IVD: variants seen among roughly 807,000 people sequenced by gnomAD.
The protein encoded by IVD is isovaleryl-CoA dehydrogenase, mitochondrial.
IVD carries 31 observed loss-of-function variants against 51.3 expected under a neutral mutation model. That is an observed-to-expected ratio of 0.60 (90% CI 0.45 to 0.81). The LOEUF is 0.81. Among genes scored for constraint, IVD ranks in the 40% least tolerant of loss-of-function variants. IVD has a pLI of 0.00. For synonymous variants in IVD, 205 were observed against 219.4 expected (o/e 0.93, Z 0.58); for missense variants, 475 against 552.0 (o/e 0.86, Z 1.40).
At chr15:40,409,982 G>A (rs1014395776) in intron 3 of IVD, among the ~76,000 whole-genome samples, 3 of 152,060 alleles carry the variant, frequency 2.0e-5, no homozygotes, top group Middle Eastern at 3.4e-3. Context: ...GACTACAGGC[G>A]CCCGCCACCA....
At position 40,416,158 on chromosome 15, in the gene IVD, C is replaced by T. The variant is rs371770434; in HGVS notation, c.1041C>T (p.Cys347=). 13 of 1,614,220 alleles carry T rather than the reference C, an allele frequency of 8.1e-6. No homozygotes were observed. In the African/African-American group the frequency reaches 9.3e-5, roughly 12 times the overall value. Residue 347 remains cysteine, a synonymous_variant, in exon 10 of 12, where the codon TGC becomes TGT. Transcript: ENST00000487418. ...RQYVYNVAKA[C]DEGHCTAKDC... ...ATGTCTACAATGTCGCCAAGGCCTG[C>T]GATGAGGGCCATTGCACTGCTAAGG...
intron 8 of IVD, among the ~76,000 whole-genome samples, chr15:40,435,144 T>A (rs1217559615): frequency 6.6e-6 from 1 of 152,184 alleles, no homozygotes; most frequent in Admixed American, 6.5e-5. Flanking sequence ...CCTGTTCCTA[T>A]ATGGTTTTTA....
At chr15:40,409,292 T>G (rs1218778877) in intron 3 of IVD, among the ~76,000 whole-genome samples, 3 of 151,638 alleles carry the variant, frequency 2.0e-5, no homozygotes, top group African/African-American at 7.3e-5. Context: ...TCCGAGTGAC[T>G]CGGGAGGCCA....
chr15:40,422,023 C>T (rs1010225957), downstream of IVD, among the ~76,000 whole-genome samples: 25 of 152,240 alleles, frequency 1.6e-4, no homozygotes, highest in Non-Finnish European at 4.4e-5. Context: ...CTGACCCTCT[C>T]CCTCGAGGCA....
At chr15:40,425,015 G>T (rs1392492282), downstream of IVD, among the ~76,000 whole-genome samples, 2 of 152,186 alleles carry the variant, frequency 1.3e-5, no homozygotes, top group African/African-American at 4.8e-5. Context: ...AGCCGCAGAA[G>T]GGAGGCCCTC....
Position 40,411,190 on chromosome 15 carries a change from G to A in IVD, c.457-70G>A, listed in dbSNP as rs571680425. The A allele has an allele frequency of 2.6e-4, 367 of 1,407,066 alleles. 1 individual carries two copies. In the African/African-American group the frequency reaches 4.4e-3, roughly 17 times the overall value. The allele number at this position is 1,407,066 out of a possible 1,614,324, so 87.2% of individuals were successfully genotyped here. A position where few individuals can be genotyped will look rare whatever the true frequency, so the allele number is the denominator to read the frequency against. On this transcript the variant is annotated intron_variant, in intron 4 of 11. Coordinates refer to ENST00000487418, the MANE Select transcript of IVD (RefSeq NM_002225.5). ...AAGGGGTTTAATGTGGACAGGAAGAGGCAGTACCAGTGAGCTGCTCTAGGG... is the reference window on the plus strand; with the variant it reads ...AAGGGGTTTAATGTGGACAGGAAGAAGCAGTACCAGTGAGCTGCTCTAGGG...
Position 40,415,493 on chromosome 15 carries a change from T to C in IVD, c.960+11T>C. 6.2e-7 allele frequency: 1 copy of C among 1,611,800 alleles called. No homozygotes were observed. The highest frequency in any genetic ancestry group is 8.5e-7 in the Non-Finnish European group (1 of 1,178,154). On this transcript the variant is annotated intron_variant, in intron 9 of 11. Coordinates refer to ENST00000487418, the MANE Select transcript of IVD (RefSeq NM_002225.5). ...ATCGGCCACTTCCAGGTGAGCCGAG[T>C]GCTTTTGCTGACATGTACTCTTCAA...
chr15:40,416,099 G>T lies in IVD; in HGVS notation c.982G>T (p.Asp328Tyr), dbSNP rs375083704. ...HFQLMQGKMADMYTRLMACRQ... is the reference protein window; with the variant it reads ...HFQLMQGKMAYMYTRLMACRQ... The stretch of plus-strand genomic sequence containing the variant: ...CCAGTTGATGCAGGGGAAGATGGCT[G>T]ACATGTACACCCGCCTCATGGCGTG... Residue 328 changes from aspartate (D) to tyrosine (Y), a missense_variant, in exon 10 of 12, where the codon GAC (aspartate) becomes TAC (tyrosine). Asp to Tyr is a radical substitution (Grantham distance 160). Coordinates refer to ENST00000487418, the MANE Select transcript of IVD (RefSeq NM_002225.5). 4 of 1,614,148 alleles carry T rather than the reference G, an allele frequency of 2.5e-6. No individual in the cohort carries two copies. The highest frequency in any genetic ancestry group is 3.4e-6 in the Non-Finnish European group (4 of 1,180,066).
At position 40,410,724 on chromosome 15, in the gene IVD, C is replaced by T. The variant is rs1424288059; in HGVS notation, c.383C>T (p.Ala128Val). ...GGAGCAGTGGGGCTCAGTTACGGTG[C>T]CCACTCCAACCTCTGCATCAACCAG... ...ASGAVGLSYG[A>V]HSNLCINQLV... Residue 128 changes from alanine to valine, a missense_variant, in exon 4 of 12, where the codon GCC becomes GTC. Ala to Val is a moderately conservative substitution (Grantham distance 64). Coordinates refer to ENST00000487418, the MANE Select transcript of IVD (RefSeq NM_002225.5). The T allele has an allele frequency of 6.2e-7, 1 of 1,614,196 alleles. No homozygotes were observed. Among genetic ancestry groups the T allele is most frequent in the Admixed American group, 1.7e-5 (1 of 60,028 alleles).
chr15:40,426,524 C>T (rs774167729), downstream of IVD, among the ~76,000 whole-genome samples: 5 of 149,168 alleles, frequency 3.4e-5, no homozygotes, highest in Middle Eastern at 3.4e-3. Context: ...GGCAACAGAG[C>T]GATACACTGT....
Position 40,420,684 on chromosome 15 carries a change from G to A in IVD, c.*2421G>A, listed in dbSNP as rs1892219795. ...GCTAAGTTCTTACAGCCAGAAGGAA[G>A]CTTATAGATTTCTGAAAACCGCCCC... On this transcript the variant is annotated 3_prime_UTR_variant, in exon 12 of 12. Coordinates refer to ENST00000487418, the MANE Select transcript of IVD (RefSeq NM_002225.5). 1.0e-6 allele frequency: 1 copy of A among 987,036 alleles called. No individual in the cohort carries two copies. The highest frequency in any genetic ancestry group is 1.2e-6 in the Non-Finnish European group (1 of 830,118). The allele number at this position is 987,036 out of a possible 1,614,324, so 61.1% of individuals were successfully genotyped here.
chr15:40,411,566 A>C lies in IVD; in HGVS notation c.562A>C (p.Ile188Leu), dbSNP rs767687961. ...CATCCTGCCCTTAGGAAATCACTAC[A>C]TCCTGAATGGCAACAAGTTCTGGAT... ...LKAEKKGNHY[I>L]LNGNKFWITN... The change falls in exon 6 of 12, where the codon ATC (isoleucine) becomes CTC (leucine). Residue 188 changes from isoleucine to leucine, a missense_variant. Ile to Leu is a conservative substitution (Grantham distance 5, BLOSUM62 2). Coordinates refer to ENST00000487418, the MANE Select transcript of IVD (RefSeq NM_002225.5). 1 of 1,614,204 alleles carries C rather than the reference A, an allele frequency of 6.2e-7. No homozygotes were observed. The highest frequency in any genetic ancestry group is 1.1e-5 in the South Asian group (1 of 91,088).
downstream of IVD, among the ~76,000 whole-genome samples, chr15:40,422,981 C>T (rs1024012191): frequency 6.6e-6 from 1 of 152,032 alleles, no homozygotes; most frequent in African/African-American, 2.4e-5. Flanking sequence ...GTGGCGTGAT[C>T]TCAGCTTACT....
chr15:40,418,744 T>C lies in IVD; in HGVS notation c.*481T>C. The C allele has an allele frequency of 9.1e-7, 1 of 1,104,728 alleles. No homozygotes were observed. The highest frequency in any genetic ancestry group is 1.1e-6 in the Non-Finnish European group (1 of 900,902). 68.4% of individuals were successfully genotyped at this position (1,104,728 alleles called of 1,614,324 possible). ...GAATTGGAACTTGGTACAGGTTAAG[T>C]ATCCCTAATCCTGAAATCTGAAACA... is the stretch of plus-strand genomic sequence containing the variant. On this transcript the variant is annotated 3_prime_UTR_variant, in exon 12 of 12. Transcript: ENST00000487418.
At position 40,421,202 on chromosome 15, in the gene IVD, T is replaced by TC; in HGVS notation, c.*2941dup. The TC allele has an allele frequency of 1.0e-6, 1 of 985,486 alleles. No homozygotes were observed. Among genetic ancestry groups the TC allele is most frequent in the Non-Finnish European group, 1.2e-6 (1 of 829,946 alleles). The allele number at this position is 985,486 out of a possible 1,614,324, so 61.0% of individuals were successfully genotyped here. A position where few individuals can be genotyped will look rare whatever the true frequency, so the allele number is the denominator to read the frequency against. On this transcript the variant is annotated 3_prime_UTR_variant, in exon 12 of 12. Coordinates refer to ENST00000487418, the MANE Select transcript of IVD (RefSeq NM_002225.5). ...CAATGTGGCAAAATGGGGCGCTTCATCCAGTCTGTCTAAGCCCTGTCGACT... is the reference window on the plus strand; with the variant it reads ...CAATGTGGCAAAATGGGGCGCTTCATCCCAGTCTGTCTAAGCCCTGTCGACT...
rs886745848 is a variant in IVD at position 40,418,298 on chromosome 15, G to C, written c.*35G>C. On this transcript the variant is annotated 3_prime_UTR_variant, in exon 12 of 12. Transcript: ENST00000487418. ...CCTTCGCCCCCTTTTCCTGCACCTA[G>C]TGGCCTTTCTTGGGAAGTAGAGATG... The C allele has an allele frequency of 1.2e-6, 2 of 1,612,864 alleles. No homozygotes were observed. Among genetic ancestry groups the C allele is most frequent in the Non-Finnish European group, 1.7e-6 (2 of 1,179,448 alleles).
chr15:40,428,187 A>C (rs568850324), downstream of IVD, among the ~76,000 whole-genome samples: 13 of 151,946 alleles, frequency 8.6e-5, no homozygotes, highest in Non-Finnish European at 1.5e-4. Context: ...GTGTCAAAAA[A>C]AAAAAAAAAA....
At chr15:40,429,422 C>T (rs1271741228), downstream of IVD, among the ~76,000 whole-genome samples, 1 of 152,190 alleles carries the variant, frequency 6.6e-6, no homozygotes, top group Non-Finnish European at 1.5e-5. Context: ...GGGAGATAGA[C>T]ATAAAAACTA....
intron 10 of IVD, 32 bp from the exon 11 acceptor site, chr15:40,416,258 A>G (rs769791373): frequency 6.2e-7 from 1 of 1,613,718 alleles, no homozygotes; most frequent in South Asian, 1.1e-5. Flanking sequence ...CGTGCCTCGC[A>G]GGGCCCTGCT....
Sources: allele counts gnomAD v4.1 joint callset (sites outside exome capture counted in the v4.1 genomes callset), GRCh38; gene constraint gnomAD v4.1.1; transcripts MANE v1.5; gene names NCBI Gene and HGNC (gene_info 2026-07-23, HGNC 2026-07-21).